The following TMEM244 variants were observed in gnomAD, a reference collection of about 807,000 sequenced individuals.
The protein encoded by TMEM244 is transmembrane protein 244, also known as putative transmembrane protein 244.
A neutral mutation model predicts 15.8 loss-of-function variants in TMEM244; 13 were observed. The ratio of observed to expected loss-of-function variants is 0.82; its 90% CI spans 0.53 to 1.30. The LOEUF is 1.30. Among genes scored for constraint, TMEM244 ranks in the 50% most tolerant of loss-of-function variants. The pLI, the probability that TMEM244 is intolerant of heterozygous loss-of-function variation, is 0.00. For missense variants in TMEM244, 161 were observed against 144.9 expected (o/e 1.11, Z -0.57); for synonymous variants, 45 against 48.7 (o/e 0.92, Z 0.32).
At chr6:129,842,389 G>T (rs1225198746) in intron 3 of TMEM244, among the ~76,000 whole-genome samples, 1 of 152,110 alleles carries the variant, frequency 6.6e-6, no homozygotes, top group African/African-American at 2.4e-5. Flanking sequence ...GAAGTATCTT[G>T]TTCTCACATA....
At chr6:129,841,728 C>T (rs1013917970) in intron 3 of TMEM244, among the ~76,000 whole-genome samples, 6 of 151,972 alleles carry the variant, frequency 3.9e-5, no homozygotes, top group Non-Finnish European at 7.4e-5. Context: ...CTATTCTCTG[C>T]GATGCAAAGG....
chr6:129,853,154 T>C (rs1268286181), intron 1 of TMEM244, among the ~76,000 whole-genome samples: 1 of 152,200 alleles, frequency 6.6e-6, no homozygotes, highest in Admixed American at 6.5e-5. Flanking sequence ...ATCTTGTGTA[T>C]ATAAGATCAC....
chr6:129,855,371 A>C (rs1161687465), intron 1 of TMEM244, among the ~76,000 whole-genome samples: 4 of 152,138 alleles, frequency 2.6e-5, no homozygotes, highest in Non-Finnish European at 5.9e-5. Context: ...TGTCAAGCTA[A>C]TGTGACATTA....
intron 1 of TMEM244, among the ~76,000 whole-genome samples, chr6:129,854,049 C>T (rs569615227): frequency 4.7e-4 from 72 of 152,242 alleles, no homozygotes; most frequent in Non-Finnish European, 8.8e-4. Flanking sequence ...TTCTAGATAT[C>T]GTTTTATGGT....
chr6:129,849,140 C>T (rs17058077), intron 1 of TMEM244, among the ~76,000 whole-genome samples: 2,287 of 151,946 alleles, frequency 0.015, 21 homozygotes, highest in Non-Finnish European at 0.022. Flanking sequence ...TGTTGACAAA[C>T]TTTACATAGA....
In TMEM244 at chr6:129,840,025, A is replaced by G. The variant is rs894559068; in HGVS notation, c.193+3505T>C. ...CTGCCCAAAGTAATTTATAGATTCA[A>G]TGCCATCCCCATCAAGCTACCAATG... On this transcript the variant is annotated intron_variant, in intron 3 of 4. Coordinates refer to ENST00000368143, the MANE Select transcript of TMEM244 (RefSeq NM_001010876.2). Among the ~76,000 whole-genome samples, 37 of 152,200 alleles carry G rather than the reference A, an allele frequency of 2.4e-4. 1 individual carries two copies. Among genetic ancestry groups the G allele is most frequent in the African/African-American group, 8.0e-4 (33 of 41,440 alleles).
At chr6:129,831,423 C>T (rs758398986) in intron 4 of TMEM244, 37 bp from the exon 5 acceptor site, 14 of 1,390,348 alleles carry the variant, frequency 1.0e-5, no homozygotes, top group Admixed American at 3.5e-5. Flanking sequence ...TCAAAACATG[C>T]GTTTTTATAT....
intron 3 of TMEM244, among the ~76,000 whole-genome samples, chr6:129,837,736 C>G (rs571971691): frequency 1.3e-5 from 2 of 152,042 alleles, no homozygotes; most frequent in Admixed American, 1.3e-4. Context: ...GAAGATCTAC[C>G]AAGCAAATGG....
chr6:129,831,696 T>A (rs1776330783), intron 4 of TMEM244, among the ~76,000 whole-genome samples: 1 of 152,188 alleles, frequency 6.6e-6, no homozygotes. Context: ...CCTCAGGAAT[T>A]CCAAACCACT....
rs1228979696 is a variant in TMEM244, at chr6:129,861,189, G to A, written c.-1C>T. Reference sequence around the variant, plus strand: ...GAGCAACTCTGACCTGGAGAGCCATGTACACATCCTACGTCAAGGAGGTGA... The same window carrying A: ...GAGCAACTCTGACCTGGAGAGCCATATACACATCCTACGTCAAGGAGGTGA... On this transcript the variant is annotated 5_prime_UTR_variant, in exon 1 of 5. Coordinates refer to ENST00000368143, the MANE Select transcript of TMEM244 (RefSeq NM_001010876.2). 8 of 1,613,732 alleles carry A rather than the reference G, an allele frequency of 5.0e-6. No homozygotes were observed. The highest frequency in any genetic ancestry group is 5.9e-6 in the Non-Finnish European group (7 of 1,179,712).
chr6:129,848,977 AT>A (rs1359148024), intron 1 of TMEM244, among the ~76,000 whole-genome samples: 6 of 152,172 alleles, frequency 3.9e-5, no homozygotes, highest in South Asian at 4.1e-4. Flanking sequence ...TAACATTTTA[AT>A]TTTTTAATAC....
intron 1 of TMEM244, among the ~76,000 whole-genome samples, chr6:129,853,591 T>C (rs889499435): frequency 6.6e-6 from 1 of 152,198 alleles, no homozygotes; most frequent in Non-Finnish European, 1.5e-5. Context: ...AACTGATCTT[T>C]ACATCTTTGT....
chr6:129,832,547 G>T (rs571417731), intron 4 of TMEM244, among the ~76,000 whole-genome samples: 2 of 152,124 alleles, frequency 1.3e-5, no homozygotes, highest in Non-Finnish European at 2.9e-5. Context: ...AAATTAGGCG[G>T]TATAGTAAGG....
chr6:129,838,743 G>A (rs1776444535), intron 3 of TMEM244, among the ~76,000 whole-genome samples: 1 of 151,870 alleles, frequency 6.6e-6, no homozygotes, highest in African/African-American at 2.4e-5. Context: ...ATGATAAGGG[G>A]GATATCACCA....
At chr6:129,840,065 A>G (rs1776466576) in intron 3 of TMEM244, among the ~76,000 whole-genome samples, 1 of 152,044 alleles carries the variant, frequency 6.6e-6, no homozygotes, top group Non-Finnish European at 1.5e-5. Flanking sequence ...TCTTCACAGA[A>G]TTGGAAAAAA....
chr6:129,831,539 C>T (rs1232593030), intron 4 of TMEM244, among the ~76,000 whole-genome samples, 153 bp from the exon 5 acceptor site: 2 of 152,136 alleles, frequency 1.3e-5, no homozygotes, highest in Non-Finnish European at 2.9e-5. Context: ...TACTTCAGTC[C>T]TGGTCTAAAA....
intron 1 of TMEM244, among the ~76,000 whole-genome samples, chr6:129,855,924 A>T (rs1354149883): frequency 6.6e-6 from 1 of 152,128 alleles, no homozygotes. Flanking sequence ...TTAGCCATTC[A>T]TTAACATATC....
intron 2 of TMEM244, among the ~76,000 whole-genome samples, chr6:129,845,230 T>C (rs1776545043): frequency 6.6e-6 from 1 of 152,244 alleles, no homozygotes; most frequent in Non-Finnish European, 1.5e-5. Context: ...GGTCAGAATG[T>C]AGGTCTCTTG....
intron 1 of TMEM244, among the ~76,000 whole-genome samples, chr6:129,846,081 C>T (rs1256486570): frequency 6.6e-6 from 1 of 152,162 alleles, no homozygotes; most frequent in African/African-American, 2.4e-5. Context: ...TTCTTCCTAC[C>T]ATGTATTGAA....
Sources: allele counts gnomAD v4.1 joint callset (sites outside exome capture counted in the v4.1 genomes callset), GRCh38; gene constraint gnomAD v4.1.1; transcripts MANE v1.5; gene names NCBI Gene and HGNC (gene_info 2026-07-23, HGNC 2026-07-21).